Variants in SLCO4A1 observed in about 807,000 individuals in gnomAD.
The protein encoded by SLCO4A1 is solute carrier organic anion transporter family member 4A1.
SLCO4A1 carries 51 observed loss-of-function variants against 64.6 expected under a neutral mutation model. That is an observed-to-expected ratio of 0.79 (90% CI 0.63 to 1.00). The LOEUF is 1.00. Ranked by LOEUF, SLCO4A1 falls within the 50% of genes least tolerant of loss-of-function variation. The pLI, the probability that SLCO4A1 is intolerant of heterozygous loss-of-function variation, is 0.00. For missense variants in SLCO4A1, 919 were observed against 980.5 expected (o/e 0.94, Z 0.84); for synonymous variants, 471 against 444.9 (o/e 1.06, Z -0.74).
At chr20:62,668,372 G>GTGAT in intron 9 of SLCO4A1, 105 bp from the exon 10 acceptor site, 3 of 1,317,458 alleles carry the variant, frequency 2.3e-6, no homozygotes, top group Non-Finnish European at 3.3e-6. Flanking sequence ...TTGGGGGGGG[G>GTGAT]TGATGATGTG....
intron 1 of SLCO4A1, chr20:62,649,555 G>A (rs1351072738): frequency 1.3e-5 from 2 of 152,400 alleles, no homozygotes; most frequent in African/African-American, 4.8e-5. Context: ...AGATGCCCTG[G>A]TGTTAGATGC....
At chr20:62,653,659 A>G (rs1257651650) in intron 1 of SLCO4A1, among the ~76,000 whole-genome samples, 1 of 152,094 alleles carries the variant, frequency 6.6e-6, no homozygotes, top group Admixed American at 6.5e-5. Context: ...CCTCAACCCC[A>G]AGGTCATCTC....
At chr20:62,682,260 G>A (rs1987868682) in intron 2 of SLCO4A1, among the ~76,000 whole-genome samples, 1 of 152,226 alleles carries the variant, frequency 6.6e-6, no homozygotes, top group African/African-American at 2.4e-5. Flanking sequence ...TCCACACCTG[G>A]ACCTGGCTTG....
Position 62,656,789 on chromosome 20 carries a change from C to T in SLCO4A1, c.335C>T (p.Ala112Val), listed in dbSNP as rs1983811925. Residue 112 changes from alanine to valine, a missense_variant, in exon 2 of 12, where the codon GCC (alanine) becomes GTC (valine). Transcript: ENST00000217159. ...PKGILFFLCA[A>V]AFLQGMTVNG... ...GGCATCCTGTTCTTCCTGTGTGCGG[C>T]CGCATTCCTGCAGGGGATGACTGTG... 2 of 1,612,776 alleles carry T rather than the reference C, an allele frequency of 1.2e-6. No individual in the cohort carries two copies. The highest frequency in any genetic ancestry group is 1.7e-6 in the Non-Finnish European group (2 of 1,179,934).
intron 2 of SLCO4A1, among the ~76,000 whole-genome samples, chr20:62,657,767 G>A (rs1406013785): frequency 1.3e-5 from 2 of 152,252 alleles, no homozygotes; most frequent in South Asian, 2.1e-4. Context: ...ACGTCTGCCC[G>A]TAAGCACCGT....
At chr20:62,686,202 G>A (rs921777100), downstream of SLCO4A1, among the ~76,000 whole-genome samples, 2 of 152,184 alleles carry the variant, frequency 1.3e-5, no homozygotes, top group Non-Finnish European at 2.9e-5. Context: ...GCCCCAGTGC[G>A]GAGCTCCTGG....
Position 62,665,921 on chromosome 20 carries a change from TTGG to T in SLCO4A1, c.1277-455_1277-453del, listed in dbSNP as rs1033155522. ...GCCAGCTAATCGCAATTTTTTACTG[TTGG>T]TGGCCACTCAGGCTTCGACAAATGT... On this transcript the variant is annotated intron_variant, in intron 6 of 11. Transcript: ENST00000217159. 146 of 158,774 alleles carry T rather than the reference TTGG, an allele frequency of 9.2e-4. 1 individual carries two copies. The highest frequency in any genetic ancestry group is 9.1e-4 in the Non-Finnish European group (65 of 71,792). The allele number at this position is 158,774 out of a possible 1,614,324, so 9.8% of individuals were successfully genotyped here.
chr20:62,654,243 G>A (rs936504221), intron 1 of SLCO4A1, among the ~76,000 whole-genome samples: 1 of 152,182 alleles, frequency 6.6e-6, no homozygotes, highest in Non-Finnish European at 1.5e-5. Flanking sequence ...CTCTAAAAAT[G>A]CACCTGTCAC....
chr20:62,660,423 C>A lies in SLCO4A1; in HGVS notation c.899C>A (p.Thr300Asn). Residue 300 changes from threonine to asparagine, a missense_variant, in exon 4 of 12, where the codon ACC becomes AAC. Coordinates refer to ENST00000217159, the MANE Select transcript of SLCO4A1 (RefSeq NM_016354.4). ...TGCCTCTTCCACAGGACGGAGCTGA[C>A]CACCGAGAGCCCACTGTGGGTCGGC... ...YTEMGRRTEL[T>N]TESPLWVGAW... 6.3e-7 allele frequency: 1 copy of A among 1,599,490 alleles called. No homozygotes were observed. The highest frequency in any genetic ancestry group is 1.1e-5 in the South Asian group (1 of 91,066).
At position 62,642,538 on chromosome 20, in the gene SLCO4A1, C is replaced by A; in HGVS notation, c.-112C>A. On this transcript the variant is annotated 5_prime_UTR_variant, in exon 1 of 12. Transcript: ENST00000217159. ...GCGCTGCGCGGCGCGGCGGCCGGGC[C>A]CTCGAGACGGGGACGGTGAGTGCGC... 1 of 202,890 alleles carries A rather than the reference C, an allele frequency of 4.9e-6. No individual in the cohort carries two copies. The highest frequency in any genetic ancestry group is 5.9e-5 in the South Asian group (1 of 16,940). The allele number at this position is 202,890 out of a possible 1,614,324, so 12.6% of individuals were successfully genotyped here.
intron 5 of SLCO4A1, among the ~76,000 whole-genome samples, chr20:62,662,078 G>A (rs1985061962): frequency 6.6e-6 from 1 of 152,172 alleles, no homozygotes; most frequent in African/African-American, 2.4e-5. Context: ...GTGGGTGGAG[G>A]GTGTGGGCAA....
chr20:62,669,377 G>A (rs1001336739), intron 11 of SLCO4A1, among the ~76,000 whole-genome samples: 1 of 152,216 alleles, frequency 6.6e-6, no homozygotes, highest in African/African-American at 2.4e-5. Context: ...GTGTGGTCTT[G>A]CACGTACCCG....
At chr20:62,652,426 G>A (rs1423410716) in intron 1 of SLCO4A1, among the ~76,000 whole-genome samples, 4 of 152,150 alleles carry the variant, frequency 2.6e-5, no homozygotes, top group South Asian at 2.1e-4. Context: ...GCCGGCGGCC[G>A]GTGGAGCCCT....
At chr20:62,652,024 C>T (rs369055476) in intron 1 of SLCO4A1, 6 of 146,678 alleles carry the variant, frequency 4.1e-5, no homozygotes, top group African/African-American at 1.5e-4. Context: ...CCCCTGCCCC[C>T]GCCTCCCCCA....
intron 3 of SLCO4A1, 59 bp downstream of exon 3, chr20:62,658,826 G>A: frequency 7.0e-7 from 1 of 1,418,872 alleles, no homozygotes; most frequent in African/African-American, 1.4e-5. Context: ...TCTGGAAGGG[G>A]GTTCAGAGTC....
chr20:62,654,433 T>C (rs1351575589), intron 1 of SLCO4A1, among the ~76,000 whole-genome samples: 6 of 151,436 alleles, frequency 4.0e-5, no homozygotes, highest in Non-Finnish European at 5.9e-5. Flanking sequence ...GTGAGCAGAC[T>C]CTGTGAGGAG....
At chr20:62,657,365 G>A in intron 2 of SLCO4A1, 115 bp downstream of exon 2, 3 of 1,011,254 alleles carry the variant, frequency 3.0e-6, no homozygotes, top group Non-Finnish European at 4.2e-6. Flanking sequence ...CCCCTTGTCT[G>A]CATGGCCCTG....
chr20:62,655,051 A>G (rs1983389808), intron 1 of SLCO4A1, among the ~76,000 whole-genome samples: 1 of 152,230 alleles, frequency 6.6e-6, no homozygotes, highest in African/African-American at 2.4e-5. Flanking sequence ...ACCTCTTTAA[A>G]GGCCTGAGTT....
In SLCO4A1 at chr20:62,669,096, G is replaced by A. The variant is rs375049784; in HGVS notation, c.2025+18G>A. On this transcript the variant is annotated intron_variant, in intron 11 of 11. Transcript: ENST00000217159. ...TGTACAAGGTAAGCAGGCCCAGGGA[G>A]GGGACAGAGGGTCTGCTCTGAGGGT... is the stretch of plus-strand genomic sequence containing the variant. 136 of 1,604,718 alleles carry A rather than the reference G, an allele frequency of 8.5e-5. No homozygotes were observed. Among genetic ancestry groups the A allele is most frequent in the Non-Finnish European group, 1.1e-4 (128 of 1,178,588 alleles).
Sources: allele counts gnomAD v4.1 joint callset (sites outside exome capture counted in the v4.1 genomes callset), GRCh38; gene constraint gnomAD v4.1.1; transcripts MANE v1.5; gene names NCBI Gene and HGNC (gene_info 2026-07-23, HGNC 2026-07-21).